CD300A: variants seen among roughly 807,000 people sequenced by gnomAD.
The protein encoded by CD300A is CMRF35-like molecule 8.
Under a neutral mutation model 33.6 loss-of-function variants are expected in CD300A, and 22 were observed. The observed-to-expected ratio is 0.66, with a 90% CI of 0.47 to 0.94. The LOEUF is 0.94. CD300A is among the 40% of genes least tolerant of loss of function. The pLI, the probability that CD300A is intolerant of heterozygous loss-of-function variation, is 0.00. For synonymous variants in CD300A, 136 were observed against 148.1 expected (o/e 0.92, Z 0.59); for missense variants, 326 against 360.5 (o/e 0.90, Z 0.77).
At chr17:74,472,263 C>A (rs1906156669) in intron 1 of CD300A, among the ~76,000 whole-genome samples, 1 of 151,262 alleles carries the variant, frequency 6.6e-6, no homozygotes, top group African/African-American at 2.4e-5. Context: ...TCAAAGAGTT[C>A]TAACCCAAGG....
intron 1 of CD300A, chr17:74,469,911 G>C: frequency 1.0e-6 from 1 of 974,594 alleles, no homozygotes; most frequent in Non-Finnish European, 1.2e-6. Flanking sequence ...CTGTTTTTCT[G>C]TTTCTTAATT....
chr17:74,476,819 G>A (rs933367929), intron 3 of CD300A, among the ~76,000 whole-genome samples: 6 of 152,168 alleles, frequency 3.9e-5, no homozygotes, highest in African/African-American at 1.4e-4. Context: ...ATGTACTGAC[G>A]TGGAAAGACC....
chr17:74,474,400 T>C (rs894989563), intron 2 of CD300A, 132 bp from the exon 3 acceptor site: 2 of 871,826 alleles, frequency 2.3e-6, no homozygotes, highest in African/African-American at 3.4e-5. Context: ...GGAGAGACTC[T>C]AGCCCCAGGG....
Position 74,466,827 on chromosome 17 carries a change from C to T in CD300A, c.40+84C>T, listed in dbSNP as rs755791251. 4.7e-5 allele frequency: 73 copies of T among 1,548,094 alleles called. 1 individual carries two copies. In the Middle Eastern group the frequency reaches 8.9e-4, roughly 19 times the overall value. Reference sequence around the variant, plus strand: ...GCCGCAGGGCAGGTATCACACGAGACGCCCCGAGTCTGGACTCCGTGCAGA... The same window carrying T: ...GCCGCAGGGCAGGTATCACACGAGATGCCCCGAGTCTGGACTCCGTGCAGA... On this transcript the variant is annotated intron_variant, in intron 1 of 6. Coordinates refer to ENST00000360141, the MANE Select transcript of CD300A (RefSeq NM_007261.4).
intron 5 of CD300A, 87 bp downstream of exon 5, chr17:74,481,413 C>T (rs762428088): frequency 1.6e-4 from 198 of 1,269,534 alleles, no homozygotes; most frequent in Non-Finnish European, 1.9e-4. Flanking sequence ...CATCGGCCAA[C>T]GGAGGTTGGA....
chr17:74,466,741 C>T lies in CD300A; in HGVS notation c.38C>T (p.Pro13Leu). 6.3e-7 allele frequency: 1 copy of T among 1,591,404 alleles called. No individual in the cohort carries two copies. Among genetic ancestry groups the T allele is most frequent in the South Asian group, 1.1e-5 (1 of 87,506 alleles). ...LPWALLLLWV[P>L]GCFALSKCRT... ...TGGGCTCTGTTGCTTCTCTGGGTCCCAGGTGAGAGTTTCCCTTCCCGGGAA... is the reference window on the plus strand; with the variant it reads ...TGGGCTCTGTTGCTTCTCTGGGTCCTAGGTGAGAGTTTCCCTTCCCGGGAA... Residue 13 changes from proline (P) to leucine (L), a missense_variant and splice_region_variant, in exon 1 of 7, where the codon CCA becomes CTA. Transcript: ENST00000360141.
At chr17:74,479,881 G>C in intron 4 of CD300A, among the ~76,000 whole-genome samples, 1 of 151,910 alleles carries the variant, frequency 6.6e-6, no homozygotes, top group Non-Finnish European at 1.5e-5. Flanking sequence ...TCATTCATTC[G>C]TACAACAAAG....
chr17:74,479,248 C>CT (rs1434720888), intron 4 of CD300A, among the ~76,000 whole-genome samples: 2 of 150,344 alleles, frequency 1.3e-5, no homozygotes, highest in Non-Finnish European at 3.0e-5. Flanking sequence ...TTTTTTTTCT[C>CT]TTTTTTGAGA....
chr17:74,484,177 G>C lies in CD300A; in HGVS notation c.*51G>C. 1 of 1,603,634 alleles carries C rather than the reference G, an allele frequency of 6.2e-7. No individual in the cohort carries two copies. The highest frequency in any genetic ancestry group is 8.5e-7 in the Non-Finnish European group (1 of 1,173,612). On this transcript the variant is annotated 3_prime_UTR_variant, in exon 7 of 7. Transcript: ENST00000360141. ...GCTCTCATGGGCCCCAGGAAGTCCAGGGACAGCTCCCTTATACCTGGCCCA... is the reference window on the plus strand; with the variant it reads ...GCTCTCATGGGCCCCAGGAAGTCCACGGACAGCTCCCTTATACCTGGCCCA...
chr17:74,479,052 G>A (rs1163197328), intron 4 of CD300A, among the ~76,000 whole-genome samples: 1 of 151,992 alleles, frequency 6.6e-6, no homozygotes, highest in Non-Finnish European at 1.5e-5. Context: ...CTCCCCCCTT[G>A]AAAAGGATGT....
chr17:74,483,612 C>T (rs566520266), intron 6 of CD300A, among the ~76,000 whole-genome samples: 2 of 152,258 alleles, frequency 1.3e-5, no homozygotes, highest in East Asian at 1.9e-4. Flanking sequence ...CCGCCTTGGC[C>T]TCCCAAAGTG....
chr17:74,483,961 G>A, intron 6 of CD300A, 40 bp from the exon 7 acceptor site: 1 of 1,607,526 alleles, frequency 6.2e-7, no homozygotes. Flanking sequence ...TTCTTCCCTT[G>A]CCTCTCCCAA....
chr17:74,467,222 G>A (rs1905778556), intron 1 of CD300A, among the ~76,000 whole-genome samples: 1 of 146,668 alleles, frequency 6.8e-6, no homozygotes, highest in African/African-American at 2.5e-5. Context: ...CGGAGGAGGG[G>A]GTGGGGCGGT....
rs762064484 is a variant in CD300A at position 74,466,752 on chromosome 17, T to G, written c.40+9T>G. 6.3e-7 allele frequency: 1 copy of G among 1,586,106 alleles called. No individual in the cohort carries two copies. The highest frequency in any genetic ancestry group is 1.1e-5 in the South Asian group (1 of 87,068). On this transcript the variant is annotated intron_variant, in intron 1 of 6. Transcript: ENST00000360141. Reference sequence around the variant, plus strand: ...GCTTCTCTGGGTCCCAGGTGAGAGTTTCCCTTCCCGGGAAAGTCTGCGGCA... The same window carrying G: ...GCTTCTCTGGGTCCCAGGTGAGAGTGTCCCTTCCCGGGAAAGTCTGCGGCA...
intron 5 of CD300A, 84 bp downstream of exon 5, chr17:74,481,410 C>A: frequency 2.3e-6 from 3 of 1,296,900 alleles, no homozygotes; most frequent in Non-Finnish European, 2.2e-6. Context: ...TCCCATCGGC[C>A]AACGGAGGTT....
chr17:74,474,670 A>G lies in CD300A; in HGVS notation c.518A>G (p.Glu173Gly). The part of the protein sequence containing the change: ...HSASIQEETE[E>G]VVNSQLPLLL... ...GCCAGCATCCAGGAGGAAACTGAGG[A>G]GGTGGTGAACTCACAGTAAGCACCC... is the stretch of plus-strand genomic sequence containing the variant. The change falls in exon 3 of 7, where the codon GAG becomes GGG. Residue 173 changes from glutamate to glycine, a missense_variant. Physicochemically the swap from Glu to Gly is moderately conservative, Grantham distance 98. Coordinates refer to ENST00000360141, the MANE Select transcript of CD300A (RefSeq NM_007261.4). The G allele has an allele frequency of 1.2e-6, 2 of 1,614,158 alleles. No individual in the cohort carries two copies. Among genetic ancestry groups the G allele is most frequent in the East Asian group, 4.5e-5 (2 of 44,884 alleles).
chr17:74,470,087 C>T (rs992020628), intron 1 of CD300A: 41 of 985,258 alleles, frequency 4.2e-5, no homozygotes, highest in South Asian at 3.8e-4. Flanking sequence ...AACGTTAAGA[C>T]GACAGAGGAA....
At chr17:74,476,698 C>G (rs1294884321) in intron 3 of CD300A, among the ~76,000 whole-genome samples, 3 of 152,272 alleles carry the variant, frequency 2.0e-5, no homozygotes, top group Non-Finnish European at 2.9e-5. Flanking sequence ...CAACGTTTAC[C>G]ATTGCAAAGG....
chr17:74,469,167 T>A (rs1455335008), intron 1 of CD300A, among the ~76,000 whole-genome samples: 1 of 152,146 alleles, frequency 6.6e-6, no homozygotes, highest in Non-Finnish European at 1.5e-5. Flanking sequence ...TGAGTTTTGC[T>A]TCTTTTTTTT....
Sources: allele counts gnomAD v4.1 joint callset (sites outside exome capture counted in the v4.1 genomes callset), GRCh38; gene constraint gnomAD v4.1.1; transcripts MANE v1.5; gene names NCBI Gene and HGNC (gene_info 2026-07-23, HGNC 2026-07-21).